SRGAP2: variants seen among roughly 807,000 people sequenced by gnomAD.
SRGAP2 encodes SLIT-ROBO Rho GTPase-activating protein 2.
SRGAP2 carries 15 observed loss-of-function variants against 57.2 expected under a neutral mutation model. The ratio of observed to expected loss-of-function variants is 0.26; its 90% CI spans 0.18 to 0.40. The LOEUF (loss-of-function observed/expected upper bound fraction) is 0.40, where lower values mean the gene tolerates loss of function less well. Among genes scored for constraint, SRGAP2 ranks in the 10% least tolerant of loss-of-function variants. The probability of loss-of-function intolerance (pLI) is 1.00; values close to 1 mark genes in which losing one functional copy is unlikely to be tolerated. For synonymous variants in SRGAP2, 249 were observed against 248.0 expected (o/e 1.00, Z -0.04); for missense variants, 520 against 669.6 (o/e 0.78, Z 2.47).
intron 10 of SRGAP2, among the ~76,000 whole-genome samples, chr1:206,408,617 A>G (rs1235875727): frequency 6.6e-6 from 1 of 151,906 alleles, no homozygotes; most frequent in Non-Finnish European, 1.5e-5. Context: ...ATCTCATTAC[A>G]TTGTGAAGAT....
chr1:206,413,927 CAAGA>C (rs1227200624), intron 10 of SRGAP2, among the ~76,000 whole-genome samples: 3 of 151,858 alleles, frequency 2.0e-5, no homozygotes, highest in Admixed American at 6.6e-5. Context: ...TGTTTTTAAA[CAAGA>C]GAGAGAATCA....
rs567791300 is a variant in SRGAP2 at position 206,421,251 on chromosome 1, C to T, written c.1471C>T (p.Arg491Cys). ...SQRTDCSLAR[R>C]SSTVRKQDSS... is the part of the protein sequence containing the mutation. Reference sequence around the variant, plus strand: ...CTGATTCGGCGGGATTGGTCACAGGCGCAGCTCAACTGTGAGGAAACAGGT... The same window carrying T: ...CTGATTCGGCGGGATTGGTCACAGGTGCAGCTCAACTGTGAGGAAACAGGT... Residue 491 changes from arginine to cysteine, a missense_variant and splice_region_variant, in exon 13 of 23, where the codon CGC becomes TGC. By Grantham distance (180) the Arg-to-Cys change is radical. Coordinates refer to ENST00000573034, the MANE Select transcript of SRGAP2 (RefSeq NM_015326.5). 46 of 778,062 alleles carry T rather than the reference C, an allele frequency of 5.9e-5. No individual in the cohort carries two copies. The highest frequency in any genetic ancestry group is 4.3e-4 in the Admixed American group (25 of 58,696). 48.2% of individuals were successfully genotyped at this position (778,062 alleles called of 1,614,324 possible).
chr1:206,268,404 A>G, intron 2 of SRGAP2, among the ~76,000 whole-genome samples: 2 of 151,180 alleles, frequency 1.3e-5, no homozygotes, highest in Middle Eastern at 6.8e-3. Flanking sequence ...TACAAAGGAC[A>G]TGAACTCATC....
At position 206,458,280 on chromosome 1, in the gene SRGAP2, G is replaced by A. The variant is rs139428631; in HGVS notation, c.2508-343G>A. On this transcript the variant is annotated intron_variant, in intron 21 of 22. Transcript: ENST00000573034. Reference sequence around the variant, plus strand: ...CTTCTTCTCCTAGCTGGGGCCTTAGGTTTCTGTTCATGGCAGGTCACAGAA... The same window carrying A: ...CTTCTTCTCCTAGCTGGGGCCTTAGATTTCTGTTCATGGCAGGTCACAGAA... The A allele has an allele frequency of 2.0e-3, 999 of 500,926 alleles. 14 individuals carry two copies. The highest frequency in any genetic ancestry group is 0.018 in the African/African-American group (943 of 51,268). 31.0% of individuals were successfully genotyped at this position (500,926 alleles called of 1,614,324 possible).
intron 20 of SRGAP2, chr1:206,453,979 C>T (rs1306430612): frequency 9.6e-6 from 6 of 623,750 alleles, no homozygotes; most frequent in African/African-American, 1.8e-5. Context: ...AGAGAGATCT[C>T]ATCTGATAGG....
intron 3 of SRGAP2, among the ~76,000 whole-genome samples, chr1:206,333,623 C>A (rs1228677423): frequency 1.3e-5 from 2 of 152,152 alleles, no homozygotes; most frequent in African/African-American, 4.8e-5. Context: ...AGCTCCTGGG[C>A]TCAAGCGATC....
rs138302650 is a variant in SRGAP2, at chr1:206,438,688, G to A, written c.1768+590G>A. 1.4e-3 allele frequency among the ~76,000 whole-genome samples: 215 copies of A among 152,308 alleles called. 1 individual carries two copies. Among genetic ancestry groups the A allele is most frequent in the African/African-American group, 5.0e-3 (208 of 41,558 alleles). ...GCCATTTGGTTTAGCTTGTGGTACT[G>A]GAACACCCTCTCATTTGTTTGCCAG... is the stretch of plus-strand genomic sequence containing the variant. On this transcript the variant is annotated intron_variant, in intron 16 of 22. Transcript: ENST00000573034.
rs1165950488 is a variant in SRGAP2, at chr1:206,279,581, ATTTTTT to A, written c.68-23687_68-23682del. ...CAGACATGCACCACCACACCTGGCT[ATTTTTT>A]TTTTTTTTTTTTGTAGAGACAAGGT... On this transcript the variant is annotated intron_variant, in intron 2 of 22. Coordinates refer to ENST00000573034, the MANE Select transcript of SRGAP2 (RefSeq NM_015326.5). Among the ~76,000 whole-genome samples the A allele has an allele frequency of 6.6e-4, 57 of 86,612 alleles. 1 individual carries two copies. In the East Asian group the frequency reaches 0.016, roughly 24 times the overall value. The allele number at this position is 86,612 out of a possible 152,430, so 56.8% of individuals were successfully genotyped here.
intron 11 of SRGAP2, among the ~76,000 whole-genome samples, chr1:206,416,768 C>A (rs1420592751): frequency 6.6e-6 from 1 of 152,240 alleles, no homozygotes. Context: ...AATGCCGCCC[C>A]CCCCTCCCTG....
At chr1:206,427,861 T>C (rs139767315) in intron 13 of SRGAP2, among the ~76,000 whole-genome samples, 91 of 152,246 alleles carry the variant, frequency 6.0e-4, no homozygotes, top group African/African-American at 2.2e-3. Context: ...GTAATCCCAG[T>C]GCTTTGGGAG....
intron 3 of SRGAP2, among the ~76,000 whole-genome samples, chr1:206,322,878 T>C (rs1207995176): frequency 7.0e-6 from 1 of 142,806 alleles, no homozygotes; most frequent in Non-Finnish European, 1.5e-5. Flanking sequence ...GTGGGGGCCA[T>C]GTGCTGCCTG....
chr1:206,349,847 GC>G (rs1675915685), intron 4 of SRGAP2, among the ~76,000 whole-genome samples: 1 of 116,890 alleles, frequency 8.6e-6, no homozygotes, highest in Non-Finnish European at 1.8e-5. Context: ...CTTCCTGAGA[GC>G]CTCCGGAGCA....
At chr1:206,278,930 C>G (rs1670570820) in intron 2 of SRGAP2, among the ~76,000 whole-genome samples, 2 of 150,212 alleles carry the variant, frequency 1.3e-5, no homozygotes, top group Non-Finnish European at 2.9e-5. Context: ...GAGATGAGGT[C>G]AGAGAGGAGA....
chr1:206,454,747 C>T lies in SRGAP2; in HGVS notation c.2361-131C>T. 1 of 607,806 alleles carries T rather than the reference C, an allele frequency of 1.6e-6. No homozygotes were observed. The highest frequency in any genetic ancestry group is 2.9e-6 in the Non-Finnish European group (1 of 340,502). 37.7% of individuals were successfully genotyped at this position (607,806 alleles called of 1,614,324 possible). A position where few individuals can be genotyped will look rare whatever the true frequency, so the allele number is the denominator to read the frequency against. On this transcript the variant is annotated intron_variant, in intron 20 of 22. Coordinates refer to ENST00000573034, the MANE Select transcript of SRGAP2 (RefSeq NM_015326.5). The surrounding 1 kb of genome is among the most constrained non-coding windows in gnomAD (Gnocchi z 4.3). ...CCTCTGCTCACAGAACTAGTCCAGCCAGGTGTCGCTGCTGCCTCAGAGCTG... is the reference window on the plus strand; with the variant it reads ...CCTCTGCTCACAGAACTAGTCCAGCTAGGTGTCGCTGCTGCCTCAGAGCTG...
intron 13 of SRGAP2, among the ~76,000 whole-genome samples, chr1:206,429,754 G>A (rs909387537): frequency 6.6e-6 from 1 of 152,250 alleles, no homozygotes; most frequent in Non-Finnish European, 1.5e-5. Context: ...TGTGAAGGAA[G>A]AGAAATGCGG....
chr1:206,306,302 C>T (rs1372227767), intron 3 of SRGAP2, among the ~76,000 whole-genome samples: 3 of 151,940 alleles, frequency 2.0e-5, no homozygotes, highest in Admixed American at 6.6e-5. Context: ...CTGGTGGGTT[C>T]GTGGTCTCGC....
Position 206,461,026 on chromosome 1 carries a change from C to G in SRGAP2, c.2833-11C>G, listed in dbSNP as rs374076297. ...CATTTGCCTCACCTCCTCCTTTTTC[C>G]TGTTTTGCAGGATATTGAGGCAACA... On this transcript the variant is annotated splice_polypyrimidine_tract_variant and intron_variant, in intron 22 of 22. Coordinates refer to ENST00000573034, the MANE Select transcript of SRGAP2 (RefSeq NM_015326.5). 1.2e-5 allele frequency: 8 copies of G among 678,100 alleles called. No homozygotes were observed. In the African/African-American group the frequency reaches 1.4e-4, roughly 12 times the overall value. The allele number at this position is 678,100 out of a possible 1,614,324, so 42.0% of individuals were successfully genotyped here.
rs542408016 is a variant in SRGAP2, at chr1:206,461,590, C to T, written c.*170C>T. 1.8e-5 allele frequency: 11 copies of T among 615,418 alleles called. No individual in the cohort carries two copies. Among genetic ancestry groups the T allele is most frequent in the Non-Finnish European group, 2.3e-5 (8 of 343,620 alleles). 38.1% of individuals were successfully genotyped at this position (615,418 alleles called of 1,614,324 possible). On this transcript the variant is annotated 3_prime_UTR_variant, in exon 23 of 23. Transcript: ENST00000573034. The stretch of plus-strand genomic sequence containing the variant: ...ACCTTGAGAATGAAGCCCTTGGTAT[C>T]GCCTCTCCCTTCCCACTGCCCTCTG...
chr1:206,311,224 C>G (rs1210563416), intron 3 of SRGAP2, among the ~76,000 whole-genome samples: 1 of 152,020 alleles, frequency 6.6e-6, no homozygotes, highest in Non-Finnish European at 1.5e-5. Context: ...AGTAGAATTT[C>G]TCTAAATATA....
Sources: allele counts gnomAD v4.1 joint callset (sites outside exome capture counted in the v4.1 genomes callset), GRCh38; gene constraint gnomAD v4.1.1; non-coding constraint Gnocchi (gnomAD v3.1); transcripts MANE v1.5; gene names NCBI Gene and HGNC (gene_info 2026-07-23, HGNC 2026-07-21).